TBC1D24: variants seen among roughly 807,000 people sequenced by gnomAD.
The protein encoded by TBC1D24 is Infantile myoclonic epilepsy.
A neutral mutation model predicts 50.7 loss-of-function variants in TBC1D24; 47 were observed. The observed-to-expected ratio is 0.93, with a 90% CI of 0.73 to 1.18. TBC1D24 has a LOEUF of 1.18. TBC1D24 is among the 50% of genes most tolerant of loss of function. TBC1D24 has a pLI of 0.00. For synonymous variants in TBC1D24, 324 were observed against 335.2 expected (o/e 0.97, Z 0.36); for missense variants, 688 against 766.5 (o/e 0.90, Z 1.21).
At chr16:2,497,862 T>C in intron 3 of TBC1D24, 135 bp downstream of exon 3, 1 of 880,470 alleles carries the variant, frequency 1.1e-6, no homozygotes, top group Non-Finnish European at 1.8e-6. Context: ...GCCGGACTGA[T>C]GCTCAGGCGC....
chr16:2,488,846 G>A (rs1452408503), intron 1 of TBC1D24, among the ~76,000 whole-genome samples: 2 of 146,622 alleles, frequency 1.4e-5, no homozygotes, highest in East Asian at 4.0e-4. Flanking sequence ...GGATCACGAG[G>A]TCAGGAGATC....
At position 2,504,754 on chromosome 16, in the gene TBC1D24, C is replaced by G. The variant is rs1031454526; in HGVS notation, c.*3796C>G. The G allele has an allele frequency of 1.3e-5, 2 of 151,816 alleles. No individual in the cohort carries two copies. Among genetic ancestry groups the G allele is most frequent in the African/African-American group, 4.8e-5 (2 of 41,292 alleles). 9.4% of individuals were successfully genotyped at this position (151,816 alleles called of 1,614,324 possible). ...CGTTTTTTTCCCACTGTCCAGGAAT[C>G]GATTTAATTTTTACAGTTGTTTACT... is the stretch of plus-strand genomic sequence containing the variant. On this transcript the variant is annotated 3_prime_UTR_variant, in exon 8 of 8. Transcript: ENST00000646147.
At chr16:2,498,996 C>T (rs1018030002) in intron 4 of TBC1D24, among the ~76,000 whole-genome samples, 3 of 152,252 alleles carry the variant, frequency 2.0e-5, no homozygotes, top group South Asian at 2.1e-4. Context: ...CCAGGCGCCA[C>T]GTTGGCAGAC....
intron 1 of TBC1D24, among the ~76,000 whole-genome samples, chr16:2,492,955 G>C (rs932746859): frequency 6.6e-6 from 1 of 151,848 alleles, no homozygotes; most frequent in Non-Finnish European, 1.5e-5. Context: ...AGCCGGGCGT[G>C]GTGGCACATG....
intron 1 of TBC1D24, among the ~76,000 whole-genome samples, chr16:2,488,879 T>C (rs1247258853): frequency 7.5e-6 from 1 of 133,214 alleles, no homozygotes; most frequent in Non-Finnish European, 1.6e-5. Flanking sequence ...GCTAACACGG[T>C]GAAACCCCGT....
chr16:2,503,048 T>C lies in TBC1D24; in HGVS notation c.*2090T>C, dbSNP rs2065807124. ...CAGGGAAGTCATATCCGTGGACCAT[T>C]TGTAGGTTTCCCTCTGCAAACTTCC... On this transcript the variant is annotated 3_prime_UTR_variant, in exon 8 of 8. Coordinates refer to ENST00000646147, the MANE Select transcript of TBC1D24 (RefSeq NM_001199107.2). 3 of 152,328 alleles carry C rather than the reference T, an allele frequency of 2.0e-5. No homozygotes were observed. In the South Asian group the frequency reaches 6.2e-4, roughly 32 times the overall value. The allele number at this position is 152,328 out of a possible 1,614,324, so 9.4% of individuals were successfully genotyped here.
chr16:2,501,222 T>C lies in TBC1D24; in HGVS notation c.*264T>C. 1.8e-6 allele frequency: 1 copy of C among 554,204 alleles called. No individual in the cohort carries two copies. 34.3% of individuals were successfully genotyped at this position (554,204 alleles called of 1,614,324 possible). On this transcript the variant is annotated 3_prime_UTR_variant, in exon 8 of 8. Coordinates refer to ENST00000646147, the MANE Select transcript of TBC1D24 (RefSeq NM_001199107.2). The stretch of plus-strand genomic sequence containing the variant: ...CCCCACCCAGAGCTGGCATAGGAAG[T>C]ACCTTCCTCCTCCGTGGAGGCTTCC...
rs2065657212 is a variant in TBC1D24 at position 2,487,179 on chromosome 16, C to A, written c.-115-8855C>A. On this transcript the variant is annotated intron_variant, in intron 1 of 7. Transcript: ENST00000646147. This position sits in a 1 kb window ranked among gnomAD's most constrained non-coding sequence, Gnocchi z 4.1. Reference sequence around the variant, plus strand: ...GGCACCGTCCCCACCCACAGGCTGCCTCCACACCTTTCCGCCCCTTCCACA... The same window carrying A: ...GGCACCGTCCCCACCCACAGGCTGCATCCACACCTTTCCGCCCCTTCCACA... Among the ~76,000 whole-genome samples the A allele has an allele frequency of 6.6e-6, 1 of 152,260 alleles. No individual in the cohort carries two copies. The highest frequency in any genetic ancestry group is 2.1e-4 in the South Asian group (1 of 4,836).
rs546070311 is a variant in TBC1D24 at position 2,494,540 on chromosome 16, G to A, written c.-115-1494G>A. The stretch of plus-strand genomic sequence containing the variant: ...TGTTTAGGAGCCTGGAGTGGACCAT[G>A]CTCGAGTGGAAAGGTGTTTTCAGCA... On this transcript the variant is annotated intron_variant, in intron 1 of 7. Transcript: ENST00000646147. 3.9e-5 allele frequency among the ~76,000 whole-genome samples: 6 copies of A among 152,226 alleles called. No individual in the cohort carries two copies. The South Asian group carries it at 8.3e-4, about 21-fold the overall frequency.
intron 1 of TBC1D24, among the ~76,000 whole-genome samples, chr16:2,476,187 A>G (rs1229793429): frequency 6.6e-6 from 1 of 152,116 alleles, no homozygotes; most frequent in Non-Finnish European, 1.5e-5. Flanking sequence ...CCGTCCCATT[A>G]TTTGGCACGT....
intron 1 of TBC1D24, among the ~76,000 whole-genome samples, chr16:2,488,216 G>T (rs1275384207): frequency 6.6e-6 from 1 of 152,222 alleles, no homozygotes; most frequent in Non-Finnish European, 1.5e-5. Flanking sequence ...GTTTCTTGGA[G>T]CTCCCATGGA....
chr16:2,497,854 C>G, intron 3 of TBC1D24, 127 bp downstream of exon 3: 2 of 940,728 alleles, frequency 2.1e-6, no homozygotes, highest in East Asian at 2.6e-5. Context: ...GCCTCTGAGC[C>G]GGACTGATGC....
At chr16:2,479,834 G>GT (rs901642419) in intron 1 of TBC1D24, 147 of 149,826 alleles carry the variant, frequency 9.8e-4, no homozygotes, top group Admixed American at 1.9e-3. Flanking sequence ...TTTGTTAATT[G>GT]TTTTTTTTTT....
chr16:2,489,826 G>A (rs1057340612), intron 1 of TBC1D24, among the ~76,000 whole-genome samples: 4 of 152,242 alleles, frequency 2.6e-5, no homozygotes, highest in African/African-American at 7.2e-5. Flanking sequence ...CTGGCCGGCC[G>A]GGCTGGGCTG....
In TBC1D24 at chr16:2,500,149, C is replaced by G. The variant is rs1567414171; in HGVS notation, c.1303-119C>G. The G allele has an allele frequency of 1.4e-5, 16 of 1,111,236 alleles. No individual in the cohort carries two copies. The highest frequency in any genetic ancestry group is 4.0e-5 in the South Asian group (3 of 74,846). The allele number at this position is 1,111,236 out of a possible 1,614,324, so 68.8% of individuals were successfully genotyped here. On this transcript the variant is annotated intron_variant, in intron 6 of 7. Coordinates refer to ENST00000646147, the MANE Select transcript of TBC1D24 (RefSeq NM_001199107.2). The surrounding 1 kb of genome is among the most constrained non-coding windows in gnomAD (Gnocchi z 8.0). ...GCCACCAGCTCCCCAGCCCCTGGCT[C>G]GGGCTGCACCCACCTTGGGCTCTGG...
intron 1 of TBC1D24, among the ~76,000 whole-genome samples, chr16:2,490,402 C>A (rs2065686056): frequency 6.6e-6 from 1 of 152,186 alleles, no homozygotes; most frequent in Non-Finnish European, 1.5e-5. Flanking sequence ...TGGGGAAGCA[C>A]ACTTTAGGTG....
chr16:2,489,387 G>C (rs1334167039), intron 1 of TBC1D24, among the ~76,000 whole-genome samples: 1 of 152,128 alleles, frequency 6.6e-6, no homozygotes, highest in Admixed American at 6.5e-5. Flanking sequence ...AGCCGAGATC[G>C]CGCCACTGCA....
chr16:2,498,114 C>T (rs893872540), intron 3 of TBC1D24, 124 bp from the exon 4 acceptor site: 16 of 1,315,570 alleles, frequency 1.2e-5, no homozygotes, highest in African/African-American at 5.9e-5. Flanking sequence ...AAACCGGGGC[C>T]GGGGCAAGCA....
Position 2,487,153 on chromosome 16 carries a change from G to A in TBC1D24, c.-115-8881G>A, listed in dbSNP as rs1398216905. On this transcript the variant is annotated intron_variant, in intron 1 of 7. Transcript: ENST00000646147. This position sits in a 1 kb window ranked among gnomAD's most constrained non-coding sequence, Gnocchi z 4.1. The stretch of plus-strand genomic sequence containing the variant: ...GCCCACTCTTGCCTCCACATCTGAG[G>A]GGCACCGTCCCCACCCACAGGCTGC... Among the ~76,000 whole-genome samples the A allele has an allele frequency of 6.6e-6, 1 of 152,206 alleles. No individual in the cohort carries two copies. The highest frequency in any genetic ancestry group is 1.5e-5 in the Non-Finnish European group (1 of 68,030).
Sources: gnomAD v4.1 joint callset for allele counts (sites outside exome capture counted in the v4.1 genomes callset) on GRCh38, gnomAD v4.1.1 for gene constraint, Gnocchi (gnomAD v3.1) non-coding constraint, MANE v1.5 for transcripts, NCBI Gene and HGNC (gene_info 2026-07-23, HGNC 2026-07-21) for gene names.